Variants in MAF observed in about 807,000 individuals in gnomAD.
MAF encodes transcription factor Maf.
MAF carries 10 observed loss-of-function variants against 22.0 expected under a neutral mutation model. The observed-to-expected ratio is 0.45, with a 90% CI of 0.28 to 0.77. The LOEUF (loss-of-function observed/expected upper bound fraction) is 0.77. Among genes scored for constraint, MAF ranks in the 30% least tolerant of loss-of-function variants. The pLI is 0.12. For missense variants in MAF, 544 were observed against 548.4 expected (o/e 0.99, Z 0.08); for synonymous variants, 337 against 255.8 (o/e 1.32, Z -3.03).
chr16:79,574,978 T>C, the MAF span, among the ~76,000 whole-genome samples: 8 of 152,062 alleles, frequency 5.3e-5, no homozygotes, highest in African/African-American at 1.9e-4. Context: ...GGGGTTCTTC[T>C]ACTAGGAGTT....
the MAF span, among the ~76,000 whole-genome samples, chr16:79,517,231 C>T: frequency 6.6e-6 from 1 of 152,136 alleles, no homozygotes; most frequent in South Asian, 2.1e-4. Flanking sequence ...AGGAAAAAGC[C>T]CAAAGACCAA....
chr16:79,397,605 G>T, the MAF span, among the ~76,000 whole-genome samples: 3 of 152,176 alleles, frequency 2.0e-5, no homozygotes, highest in African/African-American at 7.2e-5. Context: ...GTAACCGGCT[G>T]GTTGCATAGA....
At chr16:79,261,132 C>T in the MAF span, among the ~76,000 whole-genome samples, 1 of 151,880 alleles carries the variant, frequency 6.6e-6, no homozygotes, top group Admixed American at 6.6e-5. Context: ...CAGAAGGTGT[C>T]GTGGCTCCCA....
the MAF span, among the ~76,000 whole-genome samples, chr16:79,386,603 C>T: frequency 1.3e-5 from 2 of 152,088 alleles, no homozygotes. Flanking sequence ...TGGATGGGGA[C>T]TCCTGTATAT....
At chr16:79,410,639 G>C in the MAF span, among the ~76,000 whole-genome samples, 1 of 152,230 alleles carries the variant, frequency 6.6e-6, no homozygotes, top group African/African-American at 2.4e-5. Flanking sequence ...TAACATGCAT[G>C]GCTGTGACAT....
chr16:79,211,569 T>C, the MAF span: 1 of 1,613,734 alleles, frequency 6.2e-7, no homozygotes. Context: ...TCACTCCTTT[T>C]CTTAAAATTT....
At chr16:79,507,517 T>C in the MAF span, among the ~76,000 whole-genome samples, 8 of 146,796 alleles carry the variant, frequency 5.4e-5, no homozygotes, top group Admixed American at 6.7e-5. Context: ...CCCTGCCTCC[T>C]GGGTTCATGC....
Position 79,600,009 on chromosome 16 carries a change from TG to T in MAF, c.-108del. On this transcript the variant is annotated 5_prime_UTR_variant, in exon 1 of 2. Transcript: ENST00000326043. Reference sequence around the variant, plus strand: ...CAGCGGGTGAGCCAGCTTGCCGGGCTGGGGCGCTTCTAGCTTGCGCGGCGGT... The same window carrying T: ...CAGCGGGTGAGCCAGCTTGCCGGGCTGGGCGCTTCTAGCTTGCGCGGCGGT... 6.6e-7 allele frequency: 1 copy of T among 1,518,222 alleles called. No homozygotes were observed. Among genetic ancestry groups the T allele is most frequent in the East Asian group, 2.3e-5 (1 of 43,196 alleles). The allele number at this position is 1,518,222 out of a possible 1,614,324, so 94.0% of individuals were successfully genotyped here.
At chr16:79,407,657 T>C in the MAF span, among the ~76,000 whole-genome samples, 1 of 152,138 alleles carries the variant, frequency 6.6e-6, no homozygotes, top group Non-Finnish European at 1.5e-5. Context: ...GCACATCATA[T>C]CACTCATTTT....
chr16:79,323,316 CA>C, the MAF span, among the ~76,000 whole-genome samples: 1 of 151,664 alleles, frequency 6.6e-6, no homozygotes, highest in Admixed American at 6.6e-5. Context: ...AATGGTGTCC[CA>C]GGGGAGAAAA....
chr16:79,476,535 ACTCTGCTCCTTT>A, the MAF span, among the ~76,000 whole-genome samples: 1 of 151,884 alleles, frequency 6.6e-6, no homozygotes, highest in Non-Finnish European at 1.5e-5. Flanking sequence ...TTGACTCCCA[ACTCTGCTCCTTT>A]CTTGCATTGT....
chr16:79,209,254 C>A, the MAF span, among the ~76,000 whole-genome samples: 10 of 152,214 alleles, frequency 6.6e-5, no homozygotes, highest in Non-Finnish European at 1.5e-4. Context: ...GGTAGGTCCC[C>A]AGCTCCTGCA....
chr16:79,455,202 A>T, the MAF span, among the ~76,000 whole-genome samples: 1 of 152,124 alleles, frequency 6.6e-6, no homozygotes, highest in African/African-American at 2.4e-5. Context: ...CATCATACCT[A>T]GACTATCAGT....
rs575860665 is a variant in MAF at position 79,594,427 on chromosome 16, G to T, written c.*33C>A. ...GACTGCAAATAATAATAATAATGAT[G>T]ATTTTTTTTAATGTACAGCTCTCAC... On this transcript the variant is annotated 3_prime_UTR_variant, in exon 2 of 2. Transcript: ENST00000326043. 4.6e-6 allele frequency: 7 copies of T among 1,530,198 alleles called. No individual in the cohort carries two copies. The South Asian group carries it at 8.4e-5, about 18-fold the overall frequency. The allele number at this position is 1,530,198 out of a possible 1,614,324, so 94.8% of individuals were successfully genotyped here.
chr16:79,283,026 C>G, the MAF span, among the ~76,000 whole-genome samples: 3 of 152,268 alleles, frequency 2.0e-5, no homozygotes, highest in Non-Finnish European at 4.4e-5. Flanking sequence ...CCTGCACCTG[C>G]CAAGGGTCTA....
the MAF span, among the ~76,000 whole-genome samples, chr16:79,507,719 C>A: frequency 6.6e-6 from 1 of 152,326 alleles, no homozygotes; most frequent in Admixed American, 6.5e-5. Flanking sequence ...GCCACCGCGC[C>A]CGGCCGCATC....
chr16:79,392,874 C>T, the MAF span, among the ~76,000 whole-genome samples: 9 of 152,272 alleles, frequency 5.9e-5, no homozygotes, highest in East Asian at 1.9e-4. Flanking sequence ...CACTGCTGTA[C>T]GGCCCAAGTT....
the MAF span, among the ~76,000 whole-genome samples, chr16:79,528,887 C>T: frequency 6.6e-6 from 1 of 152,170 alleles, no homozygotes; most frequent in Non-Finnish European, 1.5e-5. Context: ...TGTGCCTTCC[C>T]TTTCGTCCCA....
At chr16:79,247,563 C>T in the MAF span, among the ~76,000 whole-genome samples, 8 of 152,176 alleles carry the variant, frequency 5.3e-5, no homozygotes, top group Admixed American at 5.2e-4. Context: ...CCAAAACAGC[C>T]CAAAACACTC....
Sources: gnomAD v4.1 joint callset for allele counts (sites outside exome capture counted in the v4.1 genomes callset) on GRCh38, gnomAD v4.1.1 for gene constraint, MANE v1.5 for transcripts, NCBI Gene and HGNC (gene_info 2026-07-23, HGNC 2026-07-21) for gene names.